PCNX1: variants seen among roughly 807,000 people sequenced by gnomAD.
PCNX1 encodes the protein pecanex-like protein 1.
In PCNX1, 78 loss-of-function variants were observed where a neutral mutation model predicts 242.2. The ratio of observed to expected loss-of-function variants is 0.32; its 90% confidence interval spans 0.27 to 0.39. PCNX1 has a LOEUF of 0.39. Ranked by LOEUF, PCNX1 falls within the 10% of genes least tolerant of loss-of-function variation. PCNX1 has a pLI of 1.00. For synonymous variants in PCNX1, 1,024 were observed against 1,032.9 expected, an observed-to-expected ratio of 0.99 and a Z score of 0.17; for missense variants, 2,581 against 2,856.5, an observed-to-expected ratio of 0.90 and a Z score of 2.20.
chr14:71,066,011 T>C (rs1400617157), intron 26 of PCNX1, among the ~76,000 whole-genome samples: 1 of 152,224 alleles, frequency 6.6e-6, no homozygotes, highest in African/African-American at 2.4e-5. Context: ...TTTTGATTAC[T>C]GTAGCCTTGT....
At position 71,011,587 on chromosome 14, in the gene PCNX1, C is replaced by T. The variant is rs780683535; in HGVS notation, c.2778+38C>T. On this transcript the variant is annotated intron_variant, in intron 10 of 35. Transcript: ENST00000304743. ...TTATTTTTACAACATGATAAATTTT[C>T]AGATTAAATCTGAAATATGTATTTA... 2.4e-5 allele frequency: 27 copies of T among 1,131,124 alleles called. No homozygotes were observed. In the Admixed American group the frequency reaches 5.0e-4, roughly 21 times the overall value. 70.1% of individuals were successfully genotyped at this position (1,131,124 alleles called of 1,614,324 possible). A position where few individuals can be genotyped will look rare whatever the true frequency, so the allele number is the denominator to read the frequency against.
rs757796595 is a variant in PCNX1 at position 70,988,603 on chromosome 14, G to A, written c.2348G>A (p.Arg783His). The A allele has an allele frequency of 2.0e-5, 33 of 1,613,976 alleles. No homozygotes were observed. Among genetic ancestry groups the A allele is most frequent in the African/African-American group, 2.7e-5 (2 of 74,906 alleles). ...QASEEAVSFRRERSTFRRQAV... is the reference protein window; with the variant it reads ...QASEEAVSFRHERSTFRRQAV... The stretch of plus-strand genomic sequence containing the variant: ...AGCGAGGAGGCAGTGTCATTTCGCC[G>A]TGAACGCAGCACATTTAGGCGCCAG... The change falls in exon 7 of 36, where the codon CGT (arginine) becomes CAT (histidine). Residue 783 changes from arginine to histidine, a missense_variant. Around this residue, in one of 9 missense-constraint regions of PCNX1, gnomAD observed 1,204 missense variants for 1,216.7 expected, o/e 0.99. Transcript: ENST00000304743.
intron 23 of PCNX1, 50 bp downstream of exon 23, chr14:71,050,810 A>G (rs1329246988): frequency 1.3e-6 from 2 of 1,540,810 alleles, no homozygotes; most frequent in African/African-American, 2.7e-5. Flanking sequence ...TATCCTAGAT[A>G]AGAATGTTGG....
chr14:70,918,710 G>GA (rs760461121), intron 1 of PCNX1, among the ~76,000 whole-genome samples: 3 of 152,140 alleles, frequency 2.0e-5, no homozygotes, highest in Non-Finnish European at 4.4e-5. Context: ...TTGCAGAGGA[G>GA]AATGGTTAAA....
intron 32 of PCNX1, among the ~76,000 whole-genome samples, chr14:71,104,506 A>G (rs2062555364): frequency 6.6e-6 from 1 of 152,136 alleles, no homozygotes; most frequent in African/African-American, 2.4e-5. Flanking sequence ...GTCACTCTCC[A>G]TTTTTTAAAA....
chr14:70,915,847 G>A (rs2056133044), intron 1 of PCNX1, among the ~76,000 whole-genome samples: 1 of 152,102 alleles, frequency 6.6e-6, no homozygotes, highest in African/African-American at 2.4e-5. Context: ...AGATAATGCA[G>A]GGTTCCTGGA....
chr14:71,014,790 A>G (rs1263836913), intron 11 of PCNX1, among the ~76,000 whole-genome samples: 1 of 152,132 alleles, frequency 6.6e-6, no homozygotes, highest in African/African-American at 2.4e-5. Flanking sequence ...TTTTGAAGAA[A>G]TAAGGAGACA....
chr14:71,055,706 T>A, intron 25 of PCNX1, 144 bp downstream of exon 25: 1 of 514,816 alleles, frequency 1.9e-6, no homozygotes, highest in Non-Finnish European at 3.5e-6. Flanking sequence ...TGTTTTACTT[T>A]AGCAAAATAT....
chr14:71,076,118 A>G (rs2061711814), intron 27 of PCNX1, 71 bp from the exon 28 acceptor site: 2 of 912,958 alleles, frequency 2.2e-6, no homozygotes, highest in South Asian at 3.0e-5. Flanking sequence ...AATTTATTTC[A>G]TTGAGTAATC....
intron 6 of PCNX1, among the ~76,000 whole-genome samples, chr14:70,982,735 C>T (rs2058874867): frequency 1.3e-5 from 2 of 152,152 alleles, no homozygotes; most frequent in Admixed American, 6.5e-5. Context: ...AAAACCAGCC[C>T]ATGCCAGATT....
At chr14:70,954,701 C>G (rs1279278802) in intron 2 of PCNX1, among the ~76,000 whole-genome samples, 1 of 152,102 alleles carries the variant, frequency 6.6e-6, no homozygotes, top group Non-Finnish European at 1.5e-5. Flanking sequence ...GTTCCCTTGT[C>G]TATATGATCA....
chr14:71,034,181 T>C, intron 18 of PCNX1, 145 bp downstream of exon 18: 1 of 559,166 alleles, frequency 1.8e-6, no homozygotes, highest in Non-Finnish European at 3.2e-6. Flanking sequence ...CATTGTTGAT[T>C]GTCTTTATTC....
At chr14:71,052,820 G>T (rs1032218665) in intron 24 of PCNX1, among the ~76,000 whole-genome samples, 4 of 152,104 alleles carry the variant, frequency 2.6e-5, no homozygotes, top group Admixed American at 2.6e-4. Context: ...TTAATCTGAA[G>T]CTTAGTAACT....
chr14:70,937,940 T>C (rs1011936507), intron 1 of PCNX1, among the ~76,000 whole-genome samples: 5 of 152,044 alleles, frequency 3.3e-5, no homozygotes, highest in Non-Finnish European at 7.4e-5. Flanking sequence ...CTGTCTGTTA[T>C]TGGTATATAG....
chr14:71,019,965 G>T (rs1333972144), intron 12 of PCNX1, among the ~76,000 whole-genome samples: 1 of 142,474 alleles, frequency 7.0e-6, no homozygotes, highest in African/African-American at 2.6e-5. Context: ...CCCCCTCCTT[G>T]TGTTCCCCTC....
intron 5 of PCNX1, among the ~76,000 whole-genome samples, chr14:70,969,562 GA>G (rs1231361569): frequency 6.6e-6 from 1 of 152,094 alleles, no homozygotes; most frequent in Non-Finnish European, 1.5e-5. Context: ...TTGCTATAAA[GA>G]AATACCTGAG....
intron 33 of PCNX1, among the ~76,000 whole-genome samples, chr14:71,106,843 T>G (rs1039372021): frequency 6.6e-6 from 1 of 152,222 alleles, no homozygotes; most frequent in Non-Finnish European, 1.5e-5. Context: ...TTTGAGCTCT[T>G]TCAGTTTTCT....
chr14:71,055,559 C>A lies in PCNX1; in HGVS notation c.4633C>A (p.Pro1545Thr), dbSNP rs770969539. 3.8e-6 allele frequency: 6 copies of A among 1,591,022 alleles called. No homozygotes were observed. The highest frequency in any genetic ancestry group is 4.3e-6 in the Non-Finnish European group (5 of 1,159,946). The change falls in exon 25 of 36, where the codon CCA becomes ACA. Residue 1545 changes from proline (P) to threonine (T), a missense_variant. Physicochemically the swap from Pro to Thr is conservative, Grantham distance 38. Coordinates refer to ENST00000304743, the MANE Select transcript of PCNX1 (RefSeq NM_014982.3). ...TRLASQLDRN[P>T]GSDDNNLNSI... ...ATTGGCTTCCCAGCTTGATAGAAAT[C>A]CAGGTAATAGCTCTATTTGTGACTA...
intron 8 of PCNX1, among the ~76,000 whole-genome samples, chr14:71,007,792 A>T (rs986228838): frequency 6.6e-6 from 1 of 150,744 alleles, no homozygotes; most frequent in African/African-American, 2.4e-5. Flanking sequence ...GGTATTTTTT[A>T]TTTTTTTTTC....
Sources: gnomAD v4.1 joint callset for allele counts (sites outside exome capture counted in the v4.1 genomes callset) on GRCh38, gnomAD v4.1.1 for gene constraint, gnomAD v4.1.1 regional missense constraint, MANE v1.5 for transcripts, NCBI Gene and HGNC (gene_info 2026-07-23, HGNC 2026-07-21) for gene names.